Variants in KCNJ6 observed in about 807,000 individuals in gnomAD.
KCNJ6 encodes the protein potassium inwardly rectifying channel subfamily J member 6.
A neutral mutation model predicts 34.2 loss-of-function variants in KCNJ6; 9 were observed. That is an observed-to-expected ratio of 0.26 (90% CI 0.16 to 0.46). KCNJ6 has a LOEUF of 0.46. Among genes scored for constraint, KCNJ6 ranks in the 20% least tolerant of loss-of-function variants. The pLI is 1.00. For missense variants in KCNJ6, 236 were observed against 531.3 expected (o/e 0.44, Z 5.46); for synonymous variants, 196 against 207.1 (o/e 0.95, Z 0.46).
intron 2 of KCNJ6, among the ~76,000 whole-genome samples, chr21:37,801,662 C>T (rs1601478532): frequency 6.6e-6 from 1 of 152,272 alleles, no homozygotes; most frequent in East Asian, 1.9e-4. Flanking sequence ...CACCTCAAAG[C>T]TGCTGGAGGC....
At chr21:37,803,504 C>T (rs2055279479) in intron 2 of KCNJ6, among the ~76,000 whole-genome samples, 1 of 152,150 alleles carries the variant, frequency 6.6e-6, no homozygotes, top group Non-Finnish European at 1.5e-5. Flanking sequence ...TAATTCCTGA[C>T]ACTCTAATTG....
chr21:37,625,602 T>C, intron 3 of KCNJ6, 118 bp from the exon 4 acceptor site: 1 of 667,070 alleles, frequency 1.5e-6, no homozygotes, highest in South Asian at 1.9e-5. Flanking sequence ...CTGCATACGA[T>C]GCCACACTTA....
At chr21:37,891,559 A>AT (rs1229307029) in intron 1 of KCNJ6, among the ~76,000 whole-genome samples, 5 of 152,126 alleles carry the variant, frequency 3.3e-5, no homozygotes, top group Admixed American at 6.5e-5. Context: ...ATCCCTTAAT[A>AT]TGTATTTTAA....
At chr21:37,677,769 T>C (rs2054571420) in intron 3 of KCNJ6, among the ~76,000 whole-genome samples, 3 of 1,660 alleles carry the variant, frequency 1.8e-3, no homozygotes, top group East Asian at 0.029. Context: ...CCAAACCATT[T>C]GTCCATCCAT....
chr21:37,661,614 G>GTTTTTTTTTTTGT (rs2054488719), intron 3 of KCNJ6, among the ~76,000 whole-genome samples: 1 of 71,172 alleles, frequency 1.4e-5, no homozygotes, highest in Non-Finnish European at 2.6e-5. Context: ...AAGAGACATA[G>GTTTTTTTTTTTGT]TTTTTTTTTT....
intron 2 of KCNJ6, among the ~76,000 whole-genome samples, chr21:37,772,406 A>G (rs2055122024): frequency 6.6e-6 from 1 of 152,090 alleles, no homozygotes; most frequent in African/African-American, 2.4e-5. Flanking sequence ...AAATTTAACC[A>G]TTTGCAGATT....
rs759233484 is a variant in KCNJ6, at chr21:37,625,079, G to A, written c.*80C>T. 4 of 1,045,086 alleles carry A rather than the reference G, an allele frequency of 3.8e-6. No individual in the cohort carries two copies. In the African/African-American group the frequency reaches 4.8e-5, roughly 12 times the overall value. The allele number at this position is 1,045,086 out of a possible 1,614,324, so 64.7% of individuals were successfully genotyped here. On this transcript the variant is annotated 3_prime_UTR_variant, in exon 4 of 4. Coordinates refer to ENST00000609713, the MANE Select transcript of KCNJ6 (RefSeq NM_002240.5). ...TAAACAAATAAAGAACAAAGCAAGA[G>A]AGACAGAAAAAGAAAGAGAATGAGA... is the stretch of plus-strand genomic sequence containing the variant.
chr21:37,816,642 C>T (rs1601485660), intron 2 of KCNJ6, among the ~76,000 whole-genome samples: 2 of 152,302 alleles, frequency 1.3e-5, no homozygotes, highest in Middle Eastern at 6.8e-3. Context: ...GAGGGGGCAC[C>T]TCTGTGGCTA....
chr21:37,743,745 T>C (rs1479142223), intron 2 of KCNJ6, among the ~76,000 whole-genome samples: 1 of 151,974 alleles, frequency 6.6e-6, no homozygotes, highest in Non-Finnish European at 1.5e-5. Flanking sequence ...CAATATGCGG[T>C]ATTCTGTTAC....
In KCNJ6 at chr21:37,648,514, G is replaced by A. The variant is rs77169042; in HGVS notation, c.947-23030C>T. On this transcript the variant is annotated intron_variant, in intron 3 of 3. Coordinates refer to ENST00000609713, the MANE Select transcript of KCNJ6 (RefSeq NM_002240.5). ...ATGTCATCTTGCTAATATTTAGAGT[G>A]GGGGACAAAATCCAGAATAGATTAT... Among the ~76,000 whole-genome samples the A allele has an allele frequency of 4.3e-3, 655 of 152,278 alleles. 5 individuals carry two copies. The highest frequency in any genetic ancestry group is 0.015 in the African/African-American group (632 of 41,548).
chr21:37,877,048 G>A (rs900327196), intron 1 of KCNJ6, among the ~76,000 whole-genome samples: 1 of 152,144 alleles, frequency 6.6e-6, no homozygotes, highest in Non-Finnish European at 1.5e-5. Context: ...CCCTTGAGTT[G>A]ATGTCGAATG....
Position 37,617,797 on chromosome 21 carries a change from T to G in KCNJ6, c.*7362A>C, listed in dbSNP as rs1013493798. On this transcript the variant is annotated 3_prime_UTR_variant, in exon 4 of 4. Transcript: ENST00000609713. ...TGGGGATTTCCTTACCCTGACTCCA[T>G]TTATTTTACTTGGACTTTCACATGG... 1.3e-5 allele frequency: 2 copies of G among 152,220 alleles called. No individual in the cohort carries two copies. The highest frequency in any genetic ancestry group is 1.3e-4 in the Admixed American group (2 of 15,290). 9.4% of individuals were successfully genotyped at this position (152,220 alleles called of 1,614,324 possible).
intron 3 of KCNJ6, among the ~76,000 whole-genome samples, chr21:37,643,443 A>G (rs978907555): frequency 1.6e-4 from 24 of 152,162 alleles, no homozygotes; most frequent in Non-Finnish European, 3.5e-4. Flanking sequence ...TTGTGGGCAA[A>G]CTCACTGGTC....
At chr21:37,674,135 AT>A (rs1376975212) in intron 3 of KCNJ6, among the ~76,000 whole-genome samples, 3 of 152,200 alleles carry the variant, frequency 2.0e-5, no homozygotes, top group Non-Finnish European at 2.9e-5. Context: ...ACTCAACGGC[AT>A]CTTTTTCACC....
chr21:37,893,002 G>A lies in KCNJ6; in HGVS notation c.-28+22882C>T, dbSNP rs949048221. Among the ~76,000 whole-genome samples the A allele has an allele frequency of 4.0e-5, 6 of 151,666 alleles. No homozygotes were observed. In the East Asian group the frequency reaches 7.8e-4, roughly 20 times the overall value. ...CGAGTAGCTGGGACTACAGGCGCCC[G>A]CCACCCAGGCCAGCTAATTTTTTTT... On this transcript the variant is annotated intron_variant, in intron 1 of 3. Coordinates refer to ENST00000609713, the MANE Select transcript of KCNJ6 (RefSeq NM_002240.5).
intron 1 of KCNJ6, among the ~76,000 whole-genome samples, chr21:37,861,186 C>T (rs1255884392): frequency 3.9e-5 from 6 of 152,198 alleles, no homozygotes; most frequent in Non-Finnish European, 1.5e-5. Context: ...TATTAGTCAA[C>T]TCAGCCTACT....
At chr21:37,853,279 C>T (rs1235452038) in intron 1 of KCNJ6, among the ~76,000 whole-genome samples, 1 of 151,706 alleles carries the variant, frequency 6.6e-6, no homozygotes, top group Non-Finnish European at 1.5e-5. Context: ...ATGAAAGCAG[C>T]CAGGGAGAAG....
At chr21:37,698,145 T>C (rs779775142) in intron 3 of KCNJ6, among the ~76,000 whole-genome samples, 5 of 152,254 alleles carry the variant, frequency 3.3e-5, no homozygotes, top group African/African-American at 4.8e-5. Context: ...GGATCTCTGC[T>C]TTTGAACAGA....
At chr21:37,798,126 GCATTTATTACAAGC>G (rs2055252098) in intron 2 of KCNJ6, among the ~76,000 whole-genome samples, 1 of 152,200 alleles carries the variant, frequency 6.6e-6, no homozygotes, top group South Asian at 2.1e-4. Flanking sequence ...CCCAGAAAGT[GCATTTATTACAAGC>G]CCTGTTTTAC....
Sources: allele counts gnomAD v4.1 joint callset (sites outside exome capture counted in the v4.1 genomes callset), GRCh38; gene constraint gnomAD v4.1.1; transcripts MANE v1.5; gene names NCBI Gene and HGNC (gene_info 2026-07-23, HGNC 2026-07-21).